RECQL4: variants seen among roughly 807,000 people sequenced by gnomAD.
RECQL4 encodes RecQ like helicase 4.
A neutral mutation model predicts 128.6 loss-of-function variants in RECQL4; 158 were observed. The observed-to-expected ratio is 1.23, with a 90% CI of 1.08 to 1.40. The LOEUF is 1.40. RECQL4 is among the 40% of genes most tolerant of loss of function. The pLI, the probability that RECQL4 is intolerant of heterozygous loss-of-function variation, is 0.00. For missense variants in RECQL4, 2,293 were observed against 1,649.8 expected (o/e 1.39, Z -6.75); for synonymous variants, 996 against 678.9 (o/e 1.47, Z -7.26).
At position 144,513,964 on chromosome 8, in the gene RECQL4, C is replaced by T. The variant is rs1051632635; in HGVS notation, c.2022G>A (p.Leu674=). 2 of 1,562,052 alleles carry T rather than the reference C, an allele frequency of 1.3e-6. No homozygotes were observed. Among genetic ancestry groups the T allele is most frequent in the Middle Eastern group, 1.8e-4 (1 of 5,658 alleles). The change falls in exon 12 of 21, where the codon CTG becomes CTA. Residue 674 remains leucine (L), a synonymous_variant. Coordinates refer to ENST00000617875, the MANE Select transcript of RECQL4 (RefSeq NM_004260.4). ...LHGPAPVPTN[L]HLSVSMDRDT... Reference sequence around the variant, plus strand: ...CCCTGTCCATGGACACGGAAAGGTGCAGGTTGGTGGGAACTGGGGCTGGCC... The same window carrying T: ...CCCTGTCCATGGACACGGAAAGGTGTAGGTTGGTGGGAACTGGGGCTGGCC...
At position 144,514,378 on chromosome 8, in the gene RECQL4, T is replaced by G. The variant is rs181952228; in HGVS notation, c.1705-16A>C. The stretch of plus-strand genomic sequence containing the variant: ...CTGCCCGAATCTGAAGGCAGCAAGA[T>G]CAGAGGCACAGCCCAGGTGCCCGCC... On this transcript the variant is annotated splice_polypyrimidine_tract_variant and intron_variant, in intron 10 of 20. Coordinates refer to ENST00000617875, the MANE Select transcript of RECQL4 (RefSeq NM_004260.4). 118 of 1,599,754 alleles carry G rather than the reference T, an allele frequency of 7.4e-5. No individual in the cohort carries two copies. In the Admixed American group the frequency reaches 1.1e-3, roughly 15 times the overall value.
In RECQL4 at chr8:144,513,277, C is replaced by T. The variant is rs897118164; in HGVS notation, c.2404G>A (p.Val802Met). ...PPSFESYVQA[V>M]GRAGRDGQPA... is the part of the protein sequence containing the mutation. ...TGCCCGTCACGCCCGGCCCGGCCCACGGCCTGCACGTAGCTCTCGAAGCTT... is the reference window on the plus strand; with the variant it reads ...TGCCCGTCACGCCCGGCCCGGCCCATGGCCTGCACGTAGCTCTCGAAGCTT... Residue 802 changes from valine to methionine, a missense_variant, in exon 14 of 21, where the codon GTG (valine) becomes ATG (methionine). Coordinates refer to ENST00000617875, the MANE Select transcript of RECQL4 (RefSeq NM_004260.4). 9.1e-5 allele frequency: 146 copies of T among 1,596,832 alleles called. No homozygotes were observed. Among genetic ancestry groups the T allele is most frequent in the Non-Finnish European group, 1.1e-4 (128 of 1,178,108 alleles).
rs1171730831 is a variant in RECQL4, at chr8:144,511,499, A to AT, written c.3558dup (p.Tyr1187IlefsTer40). 6.2e-7 allele frequency: 1 copy of AT among 1,612,550 alleles called. No homozygotes were observed. The highest frequency in any genetic ancestry group is 1.1e-5 in the South Asian group (1 of 91,086). ...AGGGCATGGAAGCTCAGGTGCAGGTATTTTCTCCAGAAGCGTCGGTCCTGC... is the reference window on the plus strand; with the variant it reads ...AGGGCATGGAAGCTCAGGTGCAGGTATTTTTCTCCAGAAGCGTCGGTCCTGC... On this transcript the variant is annotated frameshift_variant, in exon 21 of 21. Coordinates refer to ENST00000617875, the MANE Select transcript of RECQL4 (RefSeq NM_004260.4). LOFTEE classifies it low-confidence loss of function (END_TRUNC).
In RECQL4 at chr8:144,516,048, G is replaced by C. The variant is rs747857375; in HGVS notation, c.1071C>G (p.Asn357Lys). 1 of 1,612,530 alleles carries C rather than the reference G, an allele frequency of 6.2e-7. No individual in the cohort carries two copies. The highest frequency in any genetic ancestry group is 8.5e-7 in the Non-Finnish European group (1 of 1,179,780). ...RHDRGNYVRL[N>K]MKQKHYVRGR... ...CCCGCACGTAGTGTTTCTGCTTCAT[G>C]TTGAGCCGTACGTAATTGCCCCTGT... The change falls in exon 5 of 21, where the codon AAC becomes AAG. Residue 357 changes from asparagine to lysine, a missense_variant. Physicochemically the swap from Asn to Lys is moderately conservative, Grantham distance 94 (BLOSUM62 0). Transcript: ENST00000617875.
At position 144,516,647 on chromosome 8, in the gene RECQL4, C is replaced by G. The variant is rs1387642543; in HGVS notation, c.472G>C (p.Glu158Gln). ...VPSFAEKVSD[E>Q]PPQLPEPQPR... ...TGGGGCTCAGGGAGCTGTGGAGGCT[C>G]ATCACTGACTTTTTCTGCAAAGGAG... The change falls in exon 5 of 21, where the codon GAG (glutamate) becomes CAG (glutamine). Residue 158 changes from glutamate (E) to glutamine (Q), a missense_variant. By Grantham distance (29) the Glu-to-Gln change is conservative. Coordinates refer to ENST00000617875, the MANE Select transcript of RECQL4 (RefSeq NM_004260.4). The G allele has an allele frequency of 6.2e-7, 1 of 1,606,122 alleles. No individual in the cohort carries two copies.
At position 144,517,825 on chromosome 8, in the gene RECQL4, AG is replaced by A. The variant is rs1379692148; in HGVS notation, c.-42del. The A allele has an allele frequency of 3.7e-5, 44 of 1,183,130 alleles. No individual in the cohort carries two copies. The highest frequency in any genetic ancestry group is 4.6e-5 in the Non-Finnish European group (44 of 956,386). The allele number at this position is 1,183,130 out of a possible 1,614,324, so 73.3% of individuals were successfully genotyped here. A position where few individuals can be genotyped will look rare whatever the true frequency, so the allele number is the denominator to read the frequency against. On this transcript the variant is annotated 5_prime_UTR_variant, in exon 1 of 21. Transcript: ENST00000617875. ...CCGGCCTCCGCGCTTGCGATCGTCC[AG>A]CGAATCTCCCGCGCAGCCGTCGCGG...
In RECQL4 at chr8:144,512,702, T is replaced by TA; in HGVS notation, c.2824dup (p.Tyr942LeufsTer35). 6.2e-7 allele frequency: 1 copy of TA among 1,612,386 alleles called. No individual in the cohort carries two copies. Among genetic ancestry groups the TA allele is most frequent in the Non-Finnish European group, 8.5e-7 (1 of 1,179,806 alleles). ...AGGGCAGTTCAGACGGCAATGGGTA[T>TA]AGGTGGTCGCCAGCAGCTCCAGCCA... On this transcript the variant is annotated frameshift_variant, in exon 16 of 21. Coordinates refer to ENST00000617875, the MANE Select transcript of RECQL4 (RefSeq NM_004260.4). LOFTEE classifies it high-confidence loss of function.
In RECQL4 at chr8:144,512,627, GCAGGGCGTGCTTACCTGTGGGC is replaced by G; in HGVS notation, c.2878_2885+14del. ...ATTCTCCAACCTCGTCTCCAACTGG[GCAGGGCGTGCTTACCTGTGGGC>G]CAGGGCCTGGAGCTGGGCAGGGCCC... On this transcript the variant is annotated splice_donor_variant and splice_donor_5th_base_variant and coding_sequence_variant and intron_variant, in exon 16 of 21. Transcript: ENST00000617875. LOFTEE classifies it high-confidence loss of function. The G allele has an allele frequency of 6.2e-7, 1 of 1,611,906 alleles. No homozygotes were observed. The highest frequency in any genetic ancestry group is 8.5e-7 in the Non-Finnish European group (1 of 1,179,326).
At position 144,516,467 on chromosome 8, in the gene RECQL4, G is replaced by T; in HGVS notation, c.652C>A (p.Gln218Lys). 1 of 1,608,592 alleles carries T rather than the reference G, an allele frequency of 6.2e-7. No individual in the cohort carries two copies. The highest frequency in any genetic ancestry group is 8.5e-7 in the Non-Finnish European group (1 of 1,179,742). ...GCCGACTCACCAGGGATCAGAAGTT[G>T]TGATTCCTCTGAGCCTAGATCAGGC... is the stretch of plus-strand genomic sequence containing the variant. ...CRPDLGSEES[Q>K]LLIPGESAVL... The change falls in exon 5 of 21, where the codon CAA becomes AAA. Residue 218 changes from glutamine to lysine, a missense_variant. Coordinates refer to ENST00000617875, the MANE Select transcript of RECQL4 (RefSeq NM_004260.4).
In RECQL4 at chr8:144,516,417, G is replaced by A. The variant is rs907039783; in HGVS notation, c.702C>T (p.Ser234=). 6.8e-6 allele frequency: 11 copies of A among 1,609,204 alleles called. No individual in the cohort carries two copies. The African/African-American group carries it at 1.1e-4, about 16-fold the overall frequency. The change falls in exon 5 of 21, where the codon TCC becomes TCT. Residue 234 remains serine (S), a synonymous_variant. Transcript: ENST00000617875. ...ESAVLGPGAG[S]QGPEASAFQE... is the part of the protein sequence containing the mutation. ...GGAAGGCTGAAGCCTCTGGGCCCTG[G>A]GAGCCAGCACCAGGACCAAGGACAG...
In RECQL4 at chr8:144,517,679, TCGGCCCCTGGGCAGCC is replaced by T; in HGVS notation, c.84+6_84+21del. ...AGCCGCGGGCCGCGCCCTCAGCCCC[TCGGCCCCTGGGCAGCC>T]CGCACCTGGCTCGGTCGCCGCCCGC... On this transcript the variant is annotated splice_donor_region_variant and intron_variant, in intron 1 of 20. Coordinates refer to ENST00000617875, the MANE Select transcript of RECQL4 (RefSeq NM_004260.4). 1 of 1,455,288 alleles carries T rather than the reference TCGGCCCCTGGGCAGCC, an allele frequency of 6.9e-7. No individual in the cohort carries two copies. The highest frequency in any genetic ancestry group is 9.0e-7 in the Non-Finnish European group (1 of 1,110,346). 90.1% of individuals were successfully genotyped at this position (1,455,288 alleles called of 1,614,324 possible).
At position 144,511,723 on chromosome 8, in the gene RECQL4, T is replaced by A. The variant is rs1564787413; in HGVS notation, c.3460A>T (p.Lys1154Ter). Reference protein sequence around the residue: ...RQFLSLRPEEKFSSRAVARIF... With the variant: ...RQFLSLRPEE ...CGGGCCACAGCCCTGCTGGAGAACTTCTCCTCTGGCCTCAGGGACAGGAAC... is the reference window on the plus strand; with the variant it reads ...CGGGCCACAGCCCTGCTGGAGAACTACTCCTCTGGCCTCAGGGACAGGAAC... The change falls in exon 20 of 21, where the codon AAG (lysine) becomes TAG (stop). Residue 1154 changes from lysine (K) to a stop codon, truncating the protein, a stop_gained. Coordinates refer to ENST00000617875, the MANE Select transcript of RECQL4 (RefSeq NM_004260.4). LOFTEE classifies it high-confidence loss of function. 4 of 1,612,496 alleles carry A rather than the reference T, an allele frequency of 2.5e-6. No homozygotes were observed. Among genetic ancestry groups the A allele is most frequent in the Admixed American group, 3.3e-5 (2 of 60,028 alleles).
chr8:144,512,304 C>T lies in RECQL4; in HGVS notation c.3076G>A (p.Val1026Met), dbSNP rs370954099. 1 of 1,612,464 alleles carries T rather than the reference C, an allele frequency of 6.2e-7. No homozygotes were observed. The highest frequency in any genetic ancestry group is 8.5e-7 in the Non-Finnish European group (1 of 1,179,788). ...PRTGVRRGTGVLVEFSELAFH... is the reference protein window; with the variant it reads ...PRTGVRRGTGMLVEFSELAFH... ...GCCAGCTCACTGAACTCCACAAGCA[C>T]CCCTGTCCCACGCCGCACACCTGCC... The change falls in exon 18 of 21, where the codon GTG becomes ATG. Residue 1026 changes from valine (V) to methionine (M), a missense_variant. Val to Met is a conservative substitution (Grantham distance 21, BLOSUM62 1). Transcript: ENST00000617875.
chr8:144,516,706 G>C lies in RECQL4; in HGVS notation c.413C>G (p.Ser138Cys), dbSNP rs368127528. Residue 138 changes from serine to cysteine, a missense_variant, in exon 5 of 21, where the codon TCC (serine) becomes TGC (cysteine). By Grantham distance (112) the Ser-to-Cys change is moderately radical. Coordinates refer to ENST00000617875, the MANE Select transcript of RECQL4 (RefSeq NM_004260.4). ...WPLGRASSKA[S>C]TPKPPGTGPV... Reference sequence around the variant, plus strand: ...CCCTGTACCTGGGGGCTTTGGGGTGGATGCCTTAGATGAGGCTCTTCCTAG... The same window carrying C: ...CCCTGTACCTGGGGGCTTTGGGGTGCATGCCTTAGATGAGGCTCTTCCTAG... 1 of 1,546,710 alleles carries C rather than the reference G, an allele frequency of 6.5e-7. No individual in the cohort carries two copies. The highest frequency in any genetic ancestry group is 8.7e-7 in the Non-Finnish European group (1 of 1,149,100).
At position 144,516,465 on chromosome 8, in the gene RECQL4, T is replaced by C. The variant is rs2130724887; in HGVS notation, c.654A>G (p.Gln218=). Residue 218 remains glutamine, a synonymous_variant, in exon 5 of 21, where the codon CAA becomes CAG. Coordinates refer to ENST00000617875, the MANE Select transcript of RECQL4 (RefSeq NM_004260.4). ...CRPDLGSEES[Q]LLIPGESAVL... ...CAGCCGACTCACCAGGGATCAGAAG[T>C]TGTGATTCCTCTGAGCCTAGATCAG... 2 of 1,608,642 alleles carry C rather than the reference T, an allele frequency of 1.2e-6. No homozygotes were observed. The highest frequency in any genetic ancestry group is 1.1e-5 in the South Asian group (1 of 91,010).
intron 13 of RECQL4, 34 bp downstream of exon 13, chr8:144,513,537 G>T (rs1368500454): frequency 8.7e-6 from 14 of 1,610,614 alleles, no homozygotes; most frequent in Non-Finnish European, 1.2e-5. Context: ...CCCAAGGTGG[G>T]TCCACGGGGA....
rs1586809019 is a variant in RECQL4, at chr8:144,514,070, C to G, written c.1916G>C (p.Gly639Ala). ...GCGGCGTGTGGCTGTGGCTGTGAGG[C>G]CCAGGAAGCAGTGCACGCCCATGCG... is the stretch of plus-strand genomic sequence containing the variant. ...RERMGVHCFLGLTATATRRTA... is the reference protein window; with the variant it reads ...RERMGVHCFLALTATATRRTA... Residue 639 changes from glycine to alanine, a missense_variant, in exon 12 of 21, where the codon GGC (glycine) becomes GCC (alanine). Gly to Ala is a moderately conservative substitution (Grantham distance 60, BLOSUM62 0). Transcript: ENST00000617875. 1.3e-6 allele frequency: 2 copies of G among 1,591,026 alleles called. No individual in the cohort carries two copies. The highest frequency in any genetic ancestry group is 1.7e-6 in the Non-Finnish European group (2 of 1,170,042).
At position 144,512,965 on chromosome 8, in the gene RECQL4, A is replaced by T. The variant is rs909977633; in HGVS notation, c.2637T>A (p.Pro879=). The T allele has an allele frequency of 1.5e-5, 23 of 1,571,734 alleles. No individual in the cohort carries two copies. The African/African-American group carries it at 2.4e-4, about 17-fold the overall frequency. The stretch of plus-strand genomic sequence containing the variant: ...GGTGGCTAAGCTGCTCAGCCTCTTG[A>T]GGGGGGTACTTGGGCACAGGCCTCT... ...GGERPVPKYP[P]QEAEQLSHQA... The change falls in exon 15 of 21, where the codon CCT becomes CCA. Residue 879 remains proline (P), a synonymous_variant. Transcript: ENST00000617875.
In RECQL4 at chr8:144,514,465, G is replaced by A. The variant is rs1401481904; in HGVS notation, c.1681C>T (p.Gln561Ter). 1 of 1,612,306 alleles carries A rather than the reference G, an allele frequency of 6.2e-7. No individual in the cohort carries two copies. Among genetic ancestry groups the A allele is most frequent in the Non-Finnish European group, 8.5e-7 (1 of 1,179,582 alleles). ...ACIHSGMTRK[Q>*]RESVLQKIRA... Reference sequence around the variant, plus strand: ...ACCTTCTGCAGGACAGATTCCCGTTGCTTCCTGGTCATGCCCGAGTGTATG... The same window carrying A: ...ACCTTCTGCAGGACAGATTCCCGTTACTTCCTGGTCATGCCCGAGTGTATG... The change falls in exon 10 of 21, where the codon CAA becomes TAA. Residue 561 changes from glutamine to a stop codon, truncating the protein, a stop_gained. Transcript: ENST00000617875. LOFTEE classifies it high-confidence loss of function.
Sources: gnomAD v4.1 joint callset for allele counts on GRCh38, gnomAD v4.1.1 for gene constraint, MANE v1.5 for transcripts, NCBI Gene and HGNC (gene_info 2026-07-23, HGNC 2026-07-21) for gene names.